TMEM135: variants seen among roughly 807,000 people sequenced by gnomAD.
The protein encoded by TMEM135 is peroxisomal membrane protein 52.
TMEM135 carries 30 observed loss-of-function variants against 60.3 expected under a neutral mutation model. The observed-to-expected ratio is 0.50, with a 90% CI of 0.37 to 0.68. The LOEUF (loss-of-function observed/expected upper bound fraction) is 0.68, where lower values mean the gene tolerates loss of function less well. Ranked by LOEUF, TMEM135 falls within the 30% of genes least tolerant of loss-of-function variation. TMEM135 has a pLI of 0.00. For synonymous variants in TMEM135, 190 were observed against 186.7 expected (o/e 1.02, Z -0.14); for missense variants, 468 against 548.8 (o/e 0.85, Z 1.47).
At chr11:87,248,092 T>G (rs1329234071) in intron 6 of TMEM135, among the ~76,000 whole-genome samples, 1 of 152,230 alleles carries the variant, frequency 6.6e-6, no homozygotes, top group East Asian at 1.9e-4. Context: ...TGTTTATCCA[T>G]TCATGTGTTG....
At chr11:87,120,306 G>T (rs993514306) in intron 4 of TMEM135, among the ~76,000 whole-genome samples, 27 of 151,314 alleles carry the variant, frequency 1.8e-4, no homozygotes, top group Admixed American at 3.3e-4. Context: ...GCATCTCACT[G>T]TGTTGCCTAG....
At chr11:87,289,412 T>C (rs1404990810) in intron 6 of TMEM135, among the ~76,000 whole-genome samples, 1 of 151,484 alleles carries the variant, frequency 6.6e-6, no homozygotes, top group Non-Finnish European at 1.5e-5. Flanking sequence ...TGTGATTTTG[T>C]ATCCTTTAAC....
intron 3 of TMEM135, among the ~76,000 whole-genome samples, chr11:87,088,345 C>T (rs1370875458): frequency 1.3e-5 from 2 of 152,036 alleles, no homozygotes; most frequent in Non-Finnish European, 2.9e-5. Context: ...TGTCTTGTTG[C>T]AAAAGAAAAT....
At chr11:87,167,210 G>T (rs879028916) in intron 5 of TMEM135, among the ~76,000 whole-genome samples, 1 of 152,182 alleles carries the variant, frequency 6.6e-6, no homozygotes, top group South Asian at 2.1e-4. Context: ...TTTGGGCTGA[G>T]ACGATGGGGT....
intron 6 of TMEM135, among the ~76,000 whole-genome samples, chr11:87,285,862 G>A (rs574155067): frequency 3.3e-5 from 5 of 152,174 alleles, no homozygotes; most frequent in South Asian, 2.1e-4. Context: ...TGATTGGTCC[G>A]TTTTACAGAG....
chr11:87,076,192 G>T (rs1856868420), intron 3 of TMEM135, among the ~76,000 whole-genome samples: 1 of 152,198 alleles, frequency 6.6e-6, no homozygotes, highest in African/African-American at 2.4e-5. Context: ...ATAGGAGTAA[G>T]AAAAGTTTGC....
rs1370292965 is a variant in TMEM135, at chr11:87,321,832, C to G, written c.*499C>G. ...GGAATGTTATAGATTTGAAGTAACT[C>G]TCCACGGACAGTGCTGCTTTCGTGT... On this transcript the variant is annotated 3_prime_UTR_variant, in exon 15 of 15. Coordinates refer to ENST00000305494, the MANE Select transcript of TMEM135 (RefSeq NM_022918.4). 3 of 454,434 alleles carry G rather than the reference C, an allele frequency of 6.6e-6. No homozygotes were observed. Among genetic ancestry groups the G allele is most frequent in the East Asian group, 1.4e-4 (2 of 14,400 alleles). 28.2% of individuals were successfully genotyped at this position (454,434 alleles called of 1,614,324 possible). A position where few individuals can be genotyped will look rare whatever the true frequency, so the allele number is the denominator to read the frequency against.
rs1383972879 is a variant in TMEM135 at position 87,326,459 on chromosome 11, T to G, written c.*5126T>G. The G allele has an allele frequency of 2.2e-6, 1 of 453,950 alleles. No individual in the cohort carries two copies. The highest frequency in any genetic ancestry group is 2.0e-5 in the African/African-American group (1 of 50,008). 28.1% of individuals were successfully genotyped at this position (453,950 alleles called of 1,614,324 possible). On this transcript the variant is annotated 3_prime_UTR_variant, in exon 15 of 15. Transcript: ENST00000305494. ...TCTTAAATTAATTTTCTTTTCAGAT[T>G]ATTTTTGGTCACCTAAGAGGACCCT...
intron 4 of TMEM135, among the ~76,000 whole-genome samples, chr11:87,126,522 G>C (rs1344986853): frequency 6.6e-6 from 1 of 150,720 alleles, no homozygotes; most frequent in African/African-American, 2.4e-5. Flanking sequence ...TCTTTTTTTT[G>C]GAAGGAAATT....
intron 4 of TMEM135, among the ~76,000 whole-genome samples, chr11:87,108,073 T>C (rs950919972): frequency 6.6e-6 from 1 of 152,224 alleles, no homozygotes; most frequent in African/African-American, 2.4e-5. Flanking sequence ...TTGAGAAGTG[T>C]CTGTTCATAT....
chr11:87,231,909 A>G (rs545718732), intron 5 of TMEM135, among the ~76,000 whole-genome samples: 2 of 152,152 alleles, frequency 1.3e-5, no homozygotes, highest in South Asian at 2.1e-4. Flanking sequence ...ACCTGAAGAC[A>G]TAAGAATAGA....
At chr11:87,160,147 A>T (rs1016652249) in intron 5 of TMEM135, among the ~76,000 whole-genome samples, 1 of 152,210 alleles carries the variant, frequency 6.6e-6, no homozygotes, top group East Asian at 1.9e-4. Context: ...CAGTGAATTT[A>T]TCCAGATACA....
At chr11:87,295,960 C>G (rs1942340701) in intron 7 of TMEM135, 137 bp downstream of exon 7, 2 of 726,536 alleles carry the variant, frequency 2.8e-6, no homozygotes, top group Non-Finnish European at 4.5e-6. Flanking sequence ...ATTTCCAAGC[C>G]TGCGGATAAA....
chr11:87,225,127 T>A (rs777083393), intron 5 of TMEM135, among the ~76,000 whole-genome samples: 1 of 152,162 alleles, frequency 6.6e-6, no homozygotes, highest in African/African-American at 2.4e-5. Flanking sequence ...TATGAAAATT[T>A]CATAATGAAA....
chr11:87,073,702 C>G (rs1489628240), intron 3 of TMEM135, among the ~76,000 whole-genome samples: 1 of 151,580 alleles, frequency 6.6e-6, no homozygotes, highest in Non-Finnish European at 1.5e-5. Context: ...GAGTCTCGCT[C>G]TGTTGCCCAG....
chr11:87,264,889 A>G (rs1431453261), intron 6 of TMEM135, among the ~76,000 whole-genome samples: 2 of 151,890 alleles, frequency 1.3e-5, no homozygotes, highest in Non-Finnish European at 2.9e-5. Context: ...ATTGTGTGTT[A>G]TTTTAAAGCT....
chr11:87,077,376 T>C (rs1412867669), intron 3 of TMEM135, among the ~76,000 whole-genome samples: 1 of 152,268 alleles, frequency 6.6e-6, no homozygotes, highest in Non-Finnish European at 1.5e-5. Flanking sequence ...GTACCAGAGT[T>C]TGTTAAACAT....
At chr11:87,071,693 T>C in intron 3 of TMEM135, 78 bp downstream of exon 3, 1 of 966,326 alleles carries the variant, frequency 1.0e-6, no homozygotes, top group Non-Finnish European at 1.6e-6. Context: ...TTTTTAATTA[T>C]CACTTACAGG....
chr11:87,056,859 A>G (rs149146059), intron 1 of TMEM135, among the ~76,000 whole-genome samples: 3 of 152,216 alleles, frequency 2.0e-5, no homozygotes, highest in Admixed American at 1.3e-4. Context: ...TATACTTTCT[A>G]TTTTTTATCT....
Sources: gnomAD v4.1 joint callset for allele counts (sites outside exome capture counted in the v4.1 genomes callset) on GRCh38, gnomAD v4.1.1 for gene constraint, MANE v1.5 for transcripts, NCBI Gene and HGNC (gene_info 2026-07-23, HGNC 2026-07-21) for gene names.